RGL1: variants seen among roughly 807,000 people sequenced by gnomAD.
RGL1 encodes ral guanine nucleotide dissociation stimulator like 1.
Under a neutral mutation model 95.2 loss-of-function variants are expected in RGL1, and 24 were observed. The observed-to-expected ratio is 0.25, with a 90% confidence interval of 0.18 to 0.35. The LOEUF (loss-of-function observed/expected upper bound fraction) is 0.35. RGL1 is among the 10% of genes least tolerant of loss of function. RGL1 has a pLI of 1.00. For missense variants in RGL1, 715 were observed against 936.3 expected, an observed-to-expected ratio of 0.76 and a Z score of 3.08; for synonymous variants, 329 against 344.9, an observed-to-expected ratio of 0.95 and a Z score of 0.51.
intron 10 of RGL1, 32 bp from the exon 11 acceptor site, chr1:183,900,118 A>G (rs1296908993): frequency 3.8e-6 from 6 of 1,582,936 alleles, no homozygotes; most frequent in Non-Finnish European, 5.2e-6. Flanking sequence ...TTCAATGACA[A>G]TAAAGACAGT....
intron 2 of RGL1, among the ~76,000 whole-genome samples, chr1:183,792,920 T>C (rs550555482): frequency 4.6e-5 from 7 of 152,180 alleles, no homozygotes; most frequent in Admixed American, 3.3e-4. Context: ...AAAATACCAA[T>C]TTTTCTTCCA....
intron 3 of RGL1, among the ~76,000 whole-genome samples, chr1:183,861,349 C>CT (rs957595541): frequency 6.9e-4 from 105 of 152,328 alleles, no homozygotes; most frequent in African/African-American, 2.3e-3. Context: ...CTGGGTACAA[C>CT]TTTATCTAAG....
chr1:183,808,430 C>G (rs1283637767), intron 2 of RGL1, among the ~76,000 whole-genome samples: 3 of 152,236 alleles, frequency 2.0e-5, no homozygotes, highest in Admixed American at 2.0e-4. Context: ...TACCAGCCTA[C>G]TCCTTTATTG....
intron 2 of RGL1, among the ~76,000 whole-genome samples, chr1:183,771,915 G>A (rs1395585139): frequency 1.3e-5 from 2 of 152,226 alleles, no homozygotes; most frequent in East Asian, 3.9e-4. Context: ...CAAGTGGCTG[G>A]ACGGTGAGAG....
chr1:183,723,374 C>T (rs1656125686), intron 1 of RGL1, among the ~76,000 whole-genome samples: 1 of 152,172 alleles, frequency 6.6e-6, no homozygotes, highest in Non-Finnish European at 1.5e-5. Context: ...ACCACTGTAC[C>T]TGGTTTTAAC....
At chr1:183,858,969 T>G (rs1382765269) in intron 3 of RGL1, among the ~76,000 whole-genome samples, 1 of 152,238 alleles carries the variant, frequency 6.6e-6, no homozygotes, top group Non-Finnish European at 1.5e-5. Context: ...TTTTTGTGGT[T>G]GGGGAAAACT....
At chr1:183,643,345 G>A (rs1023035548) in intron 1 of RGL1, among the ~76,000 whole-genome samples, 27 of 151,754 alleles carry the variant, frequency 1.8e-4, no homozygotes, top group African/African-American at 6.1e-4. Context: ...AGACTGGAGT[G>A]CAGTGGTGCA....
intron 1 of RGL1, among the ~76,000 whole-genome samples, chr1:183,656,618 G>C (rs12045554): frequency 0.082 from 12,432 of 152,156 alleles, 995 homozygotes; most frequent in African/African-American, 0.21. Flanking sequence ...CAAATCCTCT[G>C]TGACCATGCA....
rs1669726637 is a variant in RGL1, at chr1:183,928,174, A to AAAG, written c.*1884_*1885insGAA. ...TCTTGGTGCGAAGGTAAAAAAAAAA[A>AAAG]AATAAATAAAACCATTGGCCTGGTT... On this transcript the variant is annotated 3_prime_UTR_variant, in exon 18 of 18. Coordinates refer to ENST00000360851, the MANE Select transcript of RGL1 (RefSeq NM_001297671.3). The AAAG allele has an allele frequency of 6.6e-6, 1 of 152,162 alleles. No homozygotes were observed. The highest frequency in any genetic ancestry group is 1.5e-5 in the Non-Finnish European group (1 of 67,892). 9.4% of individuals were successfully genotyped at this position (152,162 alleles called of 1,614,324 possible). A position where few individuals can be genotyped will look rare whatever the true frequency, so the allele number is the denominator to read the frequency against.
rs138808071 is a variant in RGL1, at chr1:183,816,193, G to T, written c.138+9708G>T. Among the ~76,000 whole-genome samples, 29 of 152,202 alleles carry T rather than the reference G, an allele frequency of 1.9e-4. No individual in the cohort carries two copies. The East Asian group carries it at 4.4e-3, about 23-fold the overall frequency. Reference sequence around the variant, plus strand: ...TTCAGTTTTCTAAAGTAATTTGTTGGTATTATTTTTATGCTTTAAAAAATA... The same window carrying T: ...TTCAGTTTTCTAAAGTAATTTGTTGTTATTATTTTTATGCTTTAAAAAATA... On this transcript the variant is annotated intron_variant, in intron 2 of 17. Coordinates refer to ENST00000360851, the MANE Select transcript of RGL1 (RefSeq NM_001297671.3).
At chr1:183,738,420 A>G (rs1390571638) in intron 1 of RGL1, among the ~76,000 whole-genome samples, 1 of 143,518 alleles carries the variant, frequency 7.0e-6, no homozygotes, top group Non-Finnish European at 1.5e-5. Flanking sequence ...GACTCCGTCT[A>G]AAAAAAAAAA....
rs114643380 is a variant in RGL1, at chr1:183,827,982, G to A, written c.139-19584G>A. Among the ~76,000 whole-genome samples, 1,436 of 152,324 alleles carry A rather than the reference G, an allele frequency of 9.4e-3. 23 individuals are homozygous for A. Among genetic ancestry groups the A allele is most frequent in the African/African-American group, 0.033 (1,380 of 41,568 alleles). ...TCCATTTCACATCCAGGACCATTGTGTCCACTTGCAGAGACAGTGCTTTCT... is the reference window on the plus strand; with the variant it reads ...TCCATTTCACATCCAGGACCATTGTATCCACTTGCAGAGACAGTGCTTTCT... On this transcript the variant is annotated intron_variant, in intron 2 of 17. Coordinates refer to ENST00000360851, the MANE Select transcript of RGL1 (RefSeq NM_001297671.3).
intron 9 of RGL1, among the ~76,000 whole-genome samples, chr1:183,896,346 C>A (rs968820257): frequency 1.3e-5 from 2 of 152,216 alleles, no homozygotes; most frequent in African/African-American, 2.4e-5. Context: ...CCGCCATGTC[C>A]AGTATAGGCT....
chr1:183,661,278 T>G (rs1651604070), intron 1 of RGL1, among the ~76,000 whole-genome samples: 2 of 152,140 alleles, frequency 1.3e-5, no homozygotes, highest in Admixed American at 1.3e-4. Flanking sequence ...AGCTGGTTTT[T>G]TGAAAGGATC....
At chr1:183,692,248 G>A (rs1653987680) in intron 1 of RGL1, among the ~76,000 whole-genome samples, 2 of 152,208 alleles carry the variant, frequency 1.3e-5, no homozygotes, top group Non-Finnish European at 1.5e-5. Flanking sequence ...AAGTGTATTG[G>A]CCTCATGGCC....
At chr1:183,853,905 T>C (rs998304179) in intron 3 of RGL1, among the ~76,000 whole-genome samples, 1 of 152,210 alleles carries the variant, frequency 6.6e-6, no homozygotes, top group Non-Finnish European at 1.5e-5. Flanking sequence ...GGAAACTGTA[T>C]TTCCCAAGGG....
intron 2 of RGL1, among the ~76,000 whole-genome samples, chr1:183,779,149 C>T (rs1280928761): frequency 1.3e-5 from 2 of 149,478 alleles, no homozygotes; most frequent in African/African-American, 2.5e-5. Context: ...TGCAAAATTT[C>T]AAAATTTTCC....
chr1:183,801,143 T>TTG (rs139990784), upstream of RGL1, among the ~76,000 whole-genome samples: 48,336 of 129,772 alleles, frequency 0.37, 8,276 homozygotes, highest in East Asian at 0.72. Context: ...ACTTGTTATT[T>TTG]TGTGTGTGTG....
At chr1:183,658,104 C>T (rs1199648778) in intron 1 of RGL1, among the ~76,000 whole-genome samples, 1 of 152,128 alleles carries the variant, frequency 6.6e-6, no homozygotes, top group Non-Finnish European at 1.5e-5. Flanking sequence ...GGAACAGCTC[C>T]AGTCTACAGC....
Sources: allele counts gnomAD v4.1 joint callset (sites outside exome capture counted in the v4.1 genomes callset), GRCh38; gene constraint gnomAD v4.1.1; transcripts MANE v1.5; gene names NCBI Gene and HGNC (gene_info 2026-07-23, HGNC 2026-07-21).